The following TIMP2 variants were observed in gnomAD, a reference collection of about 807,000 sequenced individuals.
The protein encoded by TIMP2 is metalloproteinase inhibitor 2.
TIMP2 carries 5 observed loss-of-function variants against 24.3 expected under a neutral mutation model. That is an observed-to-expected ratio of 0.21 (90% CI 0.11 to 0.43). The LOEUF (loss-of-function observed/expected upper bound fraction) is 0.43, where lower values mean the gene tolerates loss of function less well. Ranked by LOEUF, TIMP2 falls within the 20% of genes least tolerant of loss-of-function variation. The pLI is 1.00. For synonymous variants in TIMP2, 130 were observed against 123.2 expected, an observed-to-expected ratio of 1.06 and a Z score of -0.37; for missense variants, 221 against 297.5, an observed-to-expected ratio of 0.74 and a Z score of 1.89.
chr17:78,857,481 T>C (rs1454248028), intron 4 of TIMP2, 41 bp downstream of exon 4: 3 of 1,613,106 alleles, frequency 1.9e-6, no homozygotes, highest in Non-Finnish European at 1.7e-6. Context: ...CTGGAGACAC[T>C]GGGAGGAGGC....
intron 1 of TIMP2, among the ~76,000 whole-genome samples, chr17:78,893,426 T>C: frequency 8.1e-6 from 1 of 123,282 alleles, no homozygotes; most frequent in African/African-American, 4.5e-5. Context: ...GGGGTGTGTG[T>C]GCAGGGGTGT....
chr17:78,873,491 C>T (rs2069703209), intron 2 of TIMP2, among the ~76,000 whole-genome samples: 1 of 152,160 alleles, frequency 6.6e-6, no homozygotes, highest in Non-Finnish European at 1.5e-5. Context: ...TGGATTTTCA[C>T]CATGTTGCCC....
At chr17:78,879,104 T>C (rs4796812) in intron 1 of TIMP2, among the ~76,000 whole-genome samples, 141,382 of 152,262 alleles carry the variant, frequency 0.93, 65,729 homozygotes, top group African/African-American at 0.95. Context: ...TGCCCAGAGG[T>C]GACAGCAGGT....
At chr17:78,871,046 C>A in intron 2 of TIMP2, 40 bp from the exon 3 acceptor site, 3 of 1,554,696 alleles carry the variant, frequency 1.9e-6, no homozygotes, top group South Asian at 1.1e-5. Flanking sequence ...CAGAGGGAGG[C>A]CACACAGTTG....
intron 1 of TIMP2, among the ~76,000 whole-genome samples, chr17:78,907,146 G>A (rs1211405429): frequency 6.6e-6 from 1 of 151,972 alleles, no homozygotes; most frequent in East Asian, 1.9e-4. Context: ...TGATCCTCCC[G>A]CCTCAGCCTC....
intron 1 of TIMP2, among the ~76,000 whole-genome samples, chr17:78,900,544 CAAA>C (rs35575848): frequency 6.9e-5 from 10 of 145,068 alleles, no homozygotes; most frequent in East Asian, 2.0e-4. Flanking sequence ...GACTCCATTT[CAAA>C]AAAAAAAAAA....
At chr17:78,877,932 T>C (rs1342646694) in intron 1 of TIMP2, among the ~76,000 whole-genome samples, 3 of 152,030 alleles carry the variant, frequency 2.0e-5, no homozygotes, top group Non-Finnish European at 4.4e-5. Context: ...GGTCTTGAAC[T>C]CCTGACCTCG....
At chr17:78,917,907 C>T (rs1019316734) in intron 1 of TIMP2, among the ~76,000 whole-genome samples, 3 of 152,238 alleles carry the variant, frequency 2.0e-5, no homozygotes, top group East Asian at 1.9e-4. Flanking sequence ...CGCTCAGCTC[C>T]GAGACTAGGC....
chr17:78,922,738 G>C (rs775756406), intron 1 of TIMP2, among the ~76,000 whole-genome samples: 1 of 152,146 alleles, frequency 6.6e-6, no homozygotes, highest in East Asian at 1.9e-4. Flanking sequence ...AGAATTGCTC[G>C]AACCCAGGAG....
At chr17:78,906,944 A>G (rs2070164755) in intron 1 of TIMP2, among the ~76,000 whole-genome samples, 1 of 152,096 alleles carries the variant, frequency 6.6e-6, no homozygotes, top group Non-Finnish European at 1.5e-5. Context: ...AATTTCCTTC[A>G]CATTCACAAC....
At chr17:78,902,335 T>C (rs989709668) in intron 1 of TIMP2, among the ~76,000 whole-genome samples, 2 of 152,238 alleles carry the variant, frequency 1.3e-5, no homozygotes, top group Non-Finnish European at 2.9e-5. Context: ...TACAAACTCC[T>C]GACCTCAGGT....
intron 1 of TIMP2, among the ~76,000 whole-genome samples, chr17:78,882,110 G>A (rs1422582064): frequency 3.9e-5 from 6 of 152,158 alleles, no homozygotes; most frequent in African/African-American, 7.2e-5. Flanking sequence ...GATTACAGGT[G>A]CCCGCCACCA....
chr17:78,870,851 C>A (rs772061395), intron 3 of TIMP2, 47 bp downstream of exon 3: 2 of 1,548,690 alleles, frequency 1.3e-6, no homozygotes, highest in Non-Finnish European at 1.8e-6. Context: ...CTAGGAACAG[C>A]CCCACTTCTG....
At chr17:78,856,237 C>T in intron 4 of TIMP2, 1 of 249,504 alleles carries the variant, frequency 4.0e-6, no homozygotes, top group Non-Finnish European at 8.0e-6. Flanking sequence ...TGCTCGCAAG[C>T]CGAGCCCCGA....
intron 3 of TIMP2, among the ~76,000 whole-genome samples, chr17:78,863,399 T>C (rs539144876): frequency 1.2e-3 from 177 of 152,158 alleles, no homozygotes; most frequent in African/African-American, 4.1e-3. Flanking sequence ...CCCGCCACCA[T>C]GCCTGGCTAA....
chr17:78,914,938 C>G (rs1175589054), intron 1 of TIMP2, among the ~76,000 whole-genome samples: 1 of 149,918 alleles, frequency 6.7e-6, no homozygotes, highest in Non-Finnish European at 1.5e-5. Context: ...GCTCTGTTGC[C>G]CAGGCTGGCA....
At position 78,886,242 on chromosome 17, in the gene TIMP2, G is replaced by A. The variant is rs1044771141; in HGVS notation, c.131-12323C>T. ...TAGTTTTAGCTCGTGTGGTCAAGAA[G>A]GGGCGATTCCTCACCTAGAACACAT... On this transcript the variant is annotated intron_variant, in intron 1 of 4. Transcript: ENST00000262768. 9.2e-5 allele frequency among the ~76,000 whole-genome samples: 14 copies of A among 152,140 alleles called. 1 individual carries two copies. The highest frequency in any genetic ancestry group is 9.2e-4 in the Admixed American group (14 of 15,280).
Position 78,924,889 on chromosome 17 carries a change from G to GCCCC in TIMP2, c.130+69_130+70insGGGG. 1 of 1,028,258 alleles carries GCCCC rather than the reference G, an allele frequency of 9.7e-7. No individual in the cohort carries two copies. The highest frequency in any genetic ancestry group is 4.3e-5 in the South Asian group (1 of 23,260). The allele number at this position is 1,028,258 out of a possible 1,614,324, so 63.7% of individuals were successfully genotyped here. On this transcript the variant is annotated intron_variant, in intron 1 of 4. Transcript: ENST00000262768. This position sits in a 1 kb window ranked among gnomAD's most constrained non-coding sequence, Gnocchi z 5.3. ...CCTCGGCCAGCGGCGGGCGGGCGGG[G>GCCCC]CGTCTGCGAACCCTCGGGGTCGCGG...
intron 1 of TIMP2, chr17:78,892,469 A>G (rs1265939080): frequency 1.3e-6 from 2 of 1,540,356 alleles, no homozygotes; most frequent in African/African-American, 1.4e-5. Flanking sequence ...CCTACGAGGA[A>G]GGGAGCACAA....
Sources: allele counts gnomAD v4.1 joint callset (sites outside exome capture counted in the v4.1 genomes callset), GRCh38; gene constraint gnomAD v4.1.1; non-coding constraint Gnocchi (gnomAD v3.1); transcripts MANE v1.5; gene names NCBI Gene and HGNC (gene_info 2026-07-23, HGNC 2026-07-21).